Variants in FOXP2 observed in about 807,000 individuals in gnomAD.
The protein encoded by FOXP2 is forkhead box protein P2.
A neutral mutation model predicts 115.8 loss-of-function variants in FOXP2; 12 were observed. That is an observed-to-expected ratio of 0.10 (90% CI 0.07 to 0.17). The LOEUF is 0.17. Among genes scored for constraint, FOXP2 ranks in the 10% least tolerant of loss-of-function variants. The probability of loss-of-function intolerance (pLI) is 1.00; values close to 1 mark genes in which losing one functional copy is unlikely to be tolerated. For missense variants in FOXP2, 629 were observed against 843.5 expected, an observed-to-expected ratio of 0.75 and a Z score of 3.15; for synonymous variants, 328 against 297.7, an observed-to-expected ratio of 1.10 and a Z score of -1.05.
At chr7:114,614,823 G>A (rs1053084959) in intron 3 of FOXP2, among the ~76,000 whole-genome samples, 3 of 152,080 alleles carry the variant, frequency 2.0e-5, no homozygotes, top group Non-Finnish European at 4.4e-5. Flanking sequence ...ATCTCCTTCT[G>A]CCTAGTAAAG....
chr7:114,421,978 C>T (rs1191745669), intron 1 of FOXP2, among the ~76,000 whole-genome samples: 2 of 151,572 alleles, frequency 1.3e-5, no homozygotes, highest in Non-Finnish European at 3.0e-5. Flanking sequence ...TTGAGGTAAA[C>T]GTATGAGGTT....
intron 1 of FOXP2, chr7:114,287,887 G>A (rs1796505258): frequency 3.6e-6 from 1 of 276,312 alleles, no homozygotes; most frequent in Admixed American, 4.7e-5. Flanking sequence ...ACAAAGTAAT[G>A]CATGTTAACA....
At chr7:114,177,395 TTGTC>T (rs1474406278) in intron 1 of FOXP2, among the ~76,000 whole-genome samples, 2 of 152,092 alleles carry the variant, frequency 1.3e-5, no homozygotes, top group East Asian at 1.9e-4. Flanking sequence ...AACACTTAGG[TTGTC>T]TTTTTTATTT....
At chr7:114,378,887 A>G (rs1792211303) in intron 2 of FOXP2, among the ~76,000 whole-genome samples, 1 of 150,876 alleles carries the variant, frequency 6.6e-6, no homozygotes, top group Non-Finnish European at 1.5e-5. Context: ...TCCATGATCA[A>G]TTGTAAAATA....
intron 1 of FOXP2, among the ~76,000 whole-genome samples, chr7:114,102,732 A>ACACACACACACACACACACACACC (rs757957770): frequency 1.6e-4 from 24 of 146,080 alleles, no homozygotes; most frequent in African/African-American, 6.0e-4. Context: ...ACACACACAC[A>ACACACACACACACACACACACACC]CCCCAATGGT....
At chr7:114,391,931 C>A (rs1792612149) in intron 2 of FOXP2, among the ~76,000 whole-genome samples, 2 of 152,130 alleles carry the variant, frequency 1.3e-5, no homozygotes, top group Admixed American at 1.3e-4. Flanking sequence ...ACAGAACTCA[C>A]ATATGTGGTG....
intron 1 of FOXP2, among the ~76,000 whole-genome samples, chr7:114,218,754 A>G (rs1794546918): frequency 6.6e-6 from 1 of 152,222 alleles, no homozygotes; most frequent in South Asian, 2.1e-4. Flanking sequence ...GTGTGGTTCT[A>G]TTATGTGCTG....
intron 2 of FOXP2, among the ~76,000 whole-genome samples, chr7:114,368,507 C>A (rs994885874): frequency 3.9e-5 from 6 of 152,170 alleles, no homozygotes; most frequent in African/African-American, 1.4e-4. Flanking sequence ...CTGCGTTGAT[C>A]ATAGTCAGAG....
Position 114,182,012 on chromosome 7 carries a change from C to T in FOXP2, c.-102+18924C>T, listed in dbSNP as rs191120156. ...TTAATTAAAAAGGGCAAATATATAT[C>T]ATATACATTTTTCATATACTTTAAT... On this transcript the variant is annotated intron_variant, in intron 1 of 17. Coordinates refer to the FOXP2 transcript ENST00000634411. Among the ~76,000 whole-genome samples the T allele has an allele frequency of 1.1e-3, 166 of 152,064 alleles. 3 individuals are homozygous for T. In the East Asian group the frequency reaches 0.02, roughly 18 times the overall value.
intron 2 of FOXP2, among the ~76,000 whole-genome samples, chr7:114,357,274 T>A (rs1424752825): frequency 6.6e-6 from 1 of 152,172 alleles, no homozygotes; most frequent in East Asian, 1.9e-4. Flanking sequence ...TGTTAGTAAG[T>A]TAAGTAATTA....
chr7:114,492,741 C>T (rs1037329457), intron 2 of FOXP2, among the ~76,000 whole-genome samples: 4 of 152,142 alleles, frequency 2.6e-5, no homozygotes, highest in African/African-American at 7.2e-5. Context: ...TTTCTTAATA[C>T]TGAGTTCTAG....
At chr7:114,111,621 C>T (rs757837723) in intron 1 of FOXP2, among the ~76,000 whole-genome samples, 6 of 151,952 alleles carry the variant, frequency 3.9e-5, no homozygotes, top group Non-Finnish European at 5.9e-5. Flanking sequence ...CACATTTTTG[C>T]TATACCTACT....
At chr7:114,538,212 A>C (rs528405247) in intron 3 of FOXP2, 1 of 696,182 alleles carries the variant, frequency 1.4e-6, no homozygotes, top group East Asian at 6.5e-5. Flanking sequence ...ATAATCTGTA[A>C]ATTTAAAAAA....
At chr7:114,402,104 A>G (rs2129196811) in intron 2 of FOXP2, among the ~76,000 whole-genome samples, 1 of 152,354 alleles carries the variant, frequency 6.6e-6, no homozygotes, top group South Asian at 2.1e-4. Context: ...CCTATGCAAC[A>G]GAGCAAGACT....
At chr7:114,550,218 C>G (rs952031244) in intron 3 of FOXP2, among the ~76,000 whole-genome samples, 3 of 148,032 alleles carry the variant, frequency 2.0e-5, no homozygotes, top group Non-Finnish European at 4.5e-5. Context: ...CCTGGGTTGA[C>G]GCCATTCTCC....
At chr7:114,650,892 T>C (rs962341334) in intron 8 of FOXP2, among the ~76,000 whole-genome samples, 12 of 152,078 alleles carry the variant, frequency 7.9e-5, no homozygotes, top group Admixed American at 3.3e-4. Context: ...AACAAACTGG[T>C]TTAATTTATC....
Position 114,267,728 on chromosome 7 carries a change from A to AAAAT in FOXP2, c.-101-20239_-101-20236dup, listed in dbSNP as rs200341220. On this transcript the variant is annotated intron_variant, in intron 1 of 17. Transcript: ENST00000634411. ...GGAGACAGAGCGAGACTCCATCTCA[A>AAAAT]AAATAAATAAATAAATAAATAAATA... is the stretch of plus-strand genomic sequence containing the variant. Among the ~76,000 whole-genome samples the AAAAT allele has an allele frequency of 2.3e-3, 299 of 131,816 alleles. 1 individual carries two copies. The highest frequency in any genetic ancestry group is 5.3e-3 in the East Asian group (24 of 4,510). The allele number at this position is 131,816 out of a possible 152,430, so 86.5% of individuals were successfully genotyped here. A position where few individuals can be genotyped will look rare whatever the true frequency, so the allele number is the denominator to read the frequency against.
At chr7:114,375,244 A>G (rs1792112507) in intron 2 of FOXP2, among the ~76,000 whole-genome samples, 1 of 152,204 alleles carries the variant, frequency 6.6e-6, no homozygotes, top group Non-Finnish European at 1.5e-5. Context: ...CATTTGGAAC[A>G]AAATGTATGT....
At chr7:114,261,965 G>A (rs1795764350) in intron 1 of FOXP2, among the ~76,000 whole-genome samples, 2 of 152,160 alleles carry the variant, frequency 1.3e-5, no homozygotes, top group Admixed American at 1.3e-4. Flanking sequence ...GGCTGAGGCA[G>A]GAGAATTGCT....
Sources: gnomAD v4.1 joint callset for allele counts (sites outside exome capture counted in the v4.1 genomes callset) on GRCh38, gnomAD v4.1.1 for gene constraint, MANE v1.5 for transcripts, NCBI Gene and HGNC (gene_info 2026-07-23, HGNC 2026-07-21) for gene names.